Variants in VAMP4 observed in about 807,000 individuals in gnomAD.
VAMP4 encodes vesicle associated membrane protein 4.
In VAMP4, 19 loss-of-function variants were observed where a neutral mutation model predicts 23.5. That is an observed-to-expected ratio of 0.81 (90% CI 0.56 to 1.19). The LOEUF (loss-of-function observed/expected upper bound fraction) is 1.19. VAMP4 is among the 50% of genes most tolerant of loss of function. VAMP4 has a pLI of 0.00. For missense variants in VAMP4, 145 were observed against 168.6 expected, an observed-to-expected ratio of 0.86 and a Z score of 0.78; for synonymous variants, 31 against 51.0, an observed-to-expected ratio of 0.61 and a Z score of 1.67.
intron 3 of VAMP4, among the ~76,000 whole-genome samples, chr1:171,723,636 C>A (rs1486639491): frequency 6.6e-6 from 1 of 152,094 alleles, no homozygotes; most frequent in Non-Finnish European, 1.5e-5. Flanking sequence ...TTCAAGGTGA[C>A]CAGATTTCAT....
In VAMP4 at chr1:171,704,477, CTTGT is replaced by C. The variant is rs1445435476; in HGVS notation, c.*25_*28del. On this transcript the variant is annotated 3_prime_UTR_variant, in exon 8 of 8. Transcript: ENST00000236192. ...GCAATCTTTTATTACTGTCCCAGATCTTGTTTAATGAAGATCTCTGTCATCAAAT... is the reference window on the plus strand; with the variant it reads ...GCAATCTTTTATTACTGTCCCAGATCTTAATGAAGATCTCTGTCATCAAAT... The C allele has an allele frequency of 6.4e-7, 1 of 1,558,846 alleles. No homozygotes were observed. The highest frequency in any genetic ancestry group is 8.7e-7 in the Non-Finnish European group (1 of 1,148,214).
chr1:171,726,094 C>G (rs1655361470), intron 3 of VAMP4, among the ~76,000 whole-genome samples: 1 of 151,996 alleles, frequency 6.6e-6, no homozygotes. Flanking sequence ...CTCTGTTGCC[C>G]AAGCTGGAGT....
rs1479298932 is a variant in VAMP4 at position 171,741,948 on chromosome 1, TGGCGGTGCTGGGCG to T, written c.-102_-89del. The stretch of plus-strand genomic sequence containing the variant: ...GGAACTCCCGGCAGCTCTCCCGGGC[TGGCGGTGCTGGGCG>T]GGCGGGGGAAGGAGTAGGAAGCCGA... On this transcript the variant is annotated 5_prime_UTR_variant, in exon 1 of 8. The change abolishes the stop of an existing upstream ORF in the 5' untranslated region. Transcript: ENST00000236192. 8.6e-6 allele frequency: 1 copy of T among 116,830 alleles called. No individual in the cohort carries two copies. Among genetic ancestry groups the T allele is most frequent in the African/African-American group, 3.0e-5 (1 of 33,120 alleles). 7.2% of individuals were successfully genotyped at this position (116,830 alleles called of 1,614,324 possible).
chr1:171,706,340 G>A (rs1391535829), intron 7 of VAMP4, 27 bp downstream of exon 7: 2 of 1,588,494 alleles, frequency 1.3e-6, no homozygotes, highest in African/African-American at 1.4e-5. Context: ...TGATACCCTA[G>A]GAAGTAATAA....
At chr1:171,719,300 C>T (rs1405790163) in intron 3 of VAMP4, 79 bp from the exon 4 acceptor site, 2 of 1,196,188 alleles carry the variant, frequency 1.7e-6, no homozygotes, top group Admixed American at 2.2e-5. Flanking sequence ...AAAGTATACA[C>T]AAATACAAAC....
intron 6 of VAMP4, among the ~76,000 whole-genome samples, chr1:171,709,329 G>A (rs1431874446): frequency 6.6e-6 from 1 of 151,730 alleles, no homozygotes; most frequent in Non-Finnish European, 1.5e-5. Context: ...ATGCTATAGA[G>A]GTTGCTCCAA....
chr1:171,709,702 T>A lies in VAMP4; in HGVS notation c.308A>T (p.Lys103Ile), dbSNP rs758825644. 9.3e-6 allele frequency: 15 copies of A among 1,613,370 alleles called. No homozygotes were observed. The highest frequency in any genetic ancestry group is 1.3e-5 in the Non-Finnish European group (15 of 1,179,500). ...CCACCACATTTGCCTTCGAAGTTGT[T>A]TGGATCTGTTGCTAAAAGCTGTTGC... Reference protein sequence around the residue: ...DNATAFSNRSKQLRRQMWWRG... With the variant: ...DNATAFSNRSIQLRRQMWWRG... The change falls in exon 6 of 8, where the codon AAA becomes ATA. Residue 103 changes from lysine (K) to isoleucine (I), a missense_variant. Physicochemically the swap from Lys to Ile is moderately radical, Grantham distance 102. Transcript: ENST00000236192.
Position 171,713,893 on chromosome 1 carries a change from G to C in VAMP4, c.165-3079C>G, listed in dbSNP as rs376870253. Among the ~76,000 whole-genome samples the C allele has an allele frequency of 5.3e-5, 8 of 152,240 alleles. No homozygotes were observed. The East Asian group carries it at 9.6e-4, about 18-fold the overall frequency. On this transcript the variant is annotated intron_variant, in intron 4 of 7. Transcript: ENST00000236192. The stretch of plus-strand genomic sequence containing the variant: ...GGATATAGGCAGATTAATTGGGACA[G>C]AACCAATAAAATTCTAGATTCTTAC...
Position 171,710,720 on chromosome 1 carries a change from T to G in VAMP4, c.259A>C (p.Lys87Gln), listed in dbSNP as rs368840676. The change falls in exon 5 of 8, where the codon AAA becomes CAA. Residue 87 changes from lysine (K) to glutamine (Q), a missense_variant. Transcript: ENST00000236192. Reference sequence around the variant, plus strand: ...AATACATGAAGATCTGTACCTGATTTGTCCTGTAGTTCATCTAGTCTCTCC... The same window carrying G: ...AATACATGAAGATCTGTACCTGATTGGTCCTGTAGTTCATCTAGTCTCTCC... Reference protein sequence around the residue: ...RGERLDELQDKSESLSDNATA... With the variant: ...RGERLDELQDQSESLSDNATA... 1 of 1,599,324 alleles carries G rather than the reference T, an allele frequency of 6.3e-7. No homozygotes were observed. Among genetic ancestry groups the G allele is most frequent in the African/African-American group, 1.3e-5 (1 of 74,380 alleles).
rs753899003 is a variant in VAMP4, at chr1:171,710,836, ATTAT to A, written c.165-26_165-23del. The stretch of plus-strand genomic sequence containing the variant: ...AACACTAGTTTAAAAAAGATACACA[ATTAT>A]TTATCCTTCTTTTGAGAATGCTTAC... On this transcript the variant is annotated intron_variant, in intron 4 of 7. Transcript: ENST00000236192. 3.3e-5 allele frequency: 51 copies of A among 1,523,494 alleles called. No homozygotes were observed. The Middle Eastern group carries it at 1.7e-3, about 51-fold the overall frequency. The allele number at this position is 1,523,494 out of a possible 1,614,324, so 94.4% of individuals were successfully genotyped here. A position where few individuals can be genotyped will look rare whatever the true frequency, so the allele number is the denominator to read the frequency against.
intron 2 of VAMP4, among the ~76,000 whole-genome samples, chr1:171,736,204 G>A (rs1655735954): frequency 6.6e-6 from 1 of 152,084 alleles, no homozygotes; most frequent in South Asian, 2.1e-4. Context: ...GCTTTTGATA[G>A]TAAATCTTCA....
chr1:171,733,472 ATAATAG>A (rs942718776), intron 2 of VAMP4, among the ~76,000 whole-genome samples: 1 of 152,082 alleles, frequency 6.6e-6, no homozygotes, highest in Non-Finnish European at 1.5e-5. Flanking sequence ...AATAATAATG[ATAATAG>A]TAATAGTAAT....
At chr1:171,706,914 T>G (rs1171398780) in intron 6 of VAMP4, among the ~76,000 whole-genome samples, 1 of 152,212 alleles carries the variant, frequency 6.6e-6, no homozygotes, top group East Asian at 1.9e-4. Flanking sequence ...AATTTGGAAT[T>G]TCTACGGTAG....
At chr1:171,715,791 T>C (rs1297867472) in intron 4 of VAMP4, among the ~76,000 whole-genome samples, 4 of 152,126 alleles carry the variant, frequency 2.6e-5, no homozygotes, top group Non-Finnish European at 4.4e-5. Context: ...GGAGGATCCC[T>C]TGAGTCCAGG....
intron 2 of VAMP4, among the ~76,000 whole-genome samples, chr1:171,734,293 G>A (rs538527882): frequency 7.2e-4 from 103 of 144,000 alleles, no homozygotes; most frequent in Admixed American, 2.5e-3. Context: ...AAAAAATGAA[G>A]CACTGATATG....
chr1:171,702,585 AC>A lies in VAMP4; in HGVS notation c.*1920del, dbSNP rs1476036841. On this transcript the variant is annotated 3_prime_UTR_variant, in exon 8 of 8. Coordinates refer to ENST00000236192, the MANE Select transcript of VAMP4 (RefSeq NM_003762.5). ...TACATCAACTAATGGAAAATTAACC[AC>A]TTATGAGCCTAGTTCCAATTCAAAT... is the stretch of plus-strand genomic sequence containing the variant. 5.3e-5 allele frequency: 8 copies of A among 152,012 alleles called. No individual in the cohort carries two copies. The allele number at this position is 152,012 out of a possible 1,614,324, so 9.4% of individuals were successfully genotyped here. A position where few individuals can be genotyped will look rare whatever the true frequency, so the allele number is the denominator to read the frequency against.
In VAMP4 at chr1:171,702,060, T is replaced by C. The variant is rs1397794011; in HGVS notation, c.*2446A>G. 3 of 152,052 alleles carry C rather than the reference T, an allele frequency of 2.0e-5. No homozygotes were observed. The highest frequency in any genetic ancestry group is 7.2e-5 in the African/African-American group (3 of 41,424). 9.4% of individuals were successfully genotyped at this position (152,052 alleles called of 1,614,324 possible). On this transcript the variant is annotated 3_prime_UTR_variant, in exon 8 of 8. Transcript: ENST00000236192. ...TAGTTTTGATGGTGGTAAAACTTCATTTTTCAAGTGCAGGATGATCTGAGC... is the reference window on the plus strand; with the variant it reads ...TAGTTTTGATGGTGGTAAAACTTCACTTTTCAAGTGCAGGATGATCTGAGC...
intron 2 of VAMP4, among the ~76,000 whole-genome samples, chr1:171,734,485 AT>A (rs1405038173): frequency 6.6e-6 from 1 of 152,136 alleles, no homozygotes; most frequent in African/African-American, 2.4e-5. Context: ...AGGGCACAGC[AT>A]TTCTTTTTGG....
intron 4 of VAMP4, among the ~76,000 whole-genome samples, chr1:171,713,452 C>G (rs546874798): frequency 1.3e-5 from 2 of 152,020 alleles, no homozygotes; most frequent in Non-Finnish European, 1.5e-5. Context: ...TAGACGAGAT[C>G]GGGCGCATTC....
Sources: allele counts gnomAD v4.1 joint callset (sites outside exome capture counted in the v4.1 genomes callset), GRCh38; gene constraint gnomAD v4.1.1; transcripts MANE v1.5; gene names NCBI Gene and HGNC (gene_info 2026-07-23, HGNC 2026-07-21).